TMEM132D: variants seen among roughly 807,000 people sequenced by gnomAD.
TMEM132D encodes transmembrane protein 132D, also known as mature OL transmembrane protein.
TMEM132D carries 21 observed loss-of-function variants against 62.3 expected under a neutral mutation model. That is an observed-to-expected ratio of 0.34 (90% confidence interval 0.24 to 0.49). The LOEUF (loss-of-function observed/expected upper bound fraction) is 0.49. Among genes scored for constraint, TMEM132D ranks in the 20% least tolerant of loss-of-function variants. The pLI is 0.99. For missense variants in TMEM132D, 1,346 were observed against 1,402.8 expected, an observed-to-expected ratio of 0.96 and a Z score of 0.65; for synonymous variants, 621 against 575.6, an observed-to-expected ratio of 1.08 and a Z score of -1.13.
At chr12:129,340,452 C>T (rs1869434250) in intron 3 of TMEM132D, among the ~76,000 whole-genome samples, 1 of 151,476 alleles carries the variant, frequency 6.6e-6, no homozygotes, top group Non-Finnish European at 1.5e-5. Flanking sequence ...TGCTATCCTT[C>T]CCCCTTCCCC....
At chr12:129,259,782 C>G (rs376376042) in intron 4 of TMEM132D, among the ~76,000 whole-genome samples, 122 of 152,160 alleles carry the variant, frequency 8.0e-4, no homozygotes, top group African/African-American at 2.7e-3. Flanking sequence ...TGAAAAGTCA[C>G]ATTATTTAGG....
intron 5 of TMEM132D, among the ~76,000 whole-genome samples, chr12:129,173,420 G>T (rs768220584): frequency 6.6e-6 from 1 of 152,124 alleles, no homozygotes; most frequent in African/African-American, 2.4e-5. Flanking sequence ...CTAATGATAG[G>T]TTATTTCTCA....
chr12:129,104,457 T>A (rs1225503980), intron 5 of TMEM132D, among the ~76,000 whole-genome samples: 1 of 152,188 alleles, frequency 6.6e-6, no homozygotes, highest in East Asian at 1.9e-4. Flanking sequence ...AAGCCTAGGC[T>A]TTACCATTCA....
At chr12:129,238,996 G>GTTTT (rs1555240386) in intron 4 of TMEM132D, among the ~76,000 whole-genome samples, 4,577 of 132,946 alleles carry the variant, frequency 0.034, 314 homozygotes, top group African/African-American at 0.12. Context: ...GTTATTTTCT[G>GTTTT]TTTTTTTTTT....
At chr12:129,131,512 C>G (rs1388855035) in intron 5 of TMEM132D, among the ~76,000 whole-genome samples, 1 of 152,130 alleles carries the variant, frequency 6.6e-6, no homozygotes, top group Non-Finnish European at 1.5e-5. Context: ...GAGGCTGAGG[C>G]AGGAGAATCG....
At chr12:129,836,650 G>A (rs559780306) in intron 1 of TMEM132D, among the ~76,000 whole-genome samples, 186 of 152,008 alleles carry the variant, frequency 1.2e-3, no homozygotes, top group Non-Finnish European at 2.4e-3. Flanking sequence ...ACAACATAAT[G>A]GCACTACCTT....
intron 3 of TMEM132D, among the ~76,000 whole-genome samples, chr12:129,354,133 C>A (rs573735355): frequency 6.6e-6 from 1 of 152,030 alleles, no homozygotes; most frequent in African/African-American, 2.4e-5. Context: ...CAGACAAGGA[C>A]CCTGTCCTTC....
chr12:129,187,406 C>G (rs1279728747), intron 5 of TMEM132D, among the ~76,000 whole-genome samples: 1 of 152,104 alleles, frequency 6.6e-6, no homozygotes, highest in Non-Finnish European at 1.5e-5. Context: ...CAGCCAAGAA[C>G]TTGGAGATAA....
intron 2 of TMEM132D, among the ~76,000 whole-genome samples, chr12:129,614,104 C>A (rs1443527714): frequency 6.6e-6 from 1 of 151,606 alleles, no homozygotes; most frequent in Non-Finnish European, 1.5e-5. Flanking sequence ...GTCTCCATAA[C>A]CTAGGCGACT....
intron 2 of TMEM132D, among the ~76,000 whole-genome samples, chr12:129,539,096 T>C (rs991442794): frequency 5.9e-5 from 9 of 152,140 alleles, no homozygotes; most frequent in African/African-American, 1.9e-4. Flanking sequence ...AGGGGGCAGG[T>C]GTCTCATGCA....
chr12:129,769,687 A>G (rs924857055), intron 1 of TMEM132D, among the ~76,000 whole-genome samples: 2 of 152,306 alleles, frequency 1.3e-5, no homozygotes, highest in Middle Eastern at 3.4e-3. Flanking sequence ...AAGTTAGCCA[A>G]TCCTTGGAAG....
chr12:129,530,990 G>GAA (rs71082733), intron 3 of TMEM132D, 69 bp downstream of exon 3: 117,297 of 1,252,748 alleles, frequency 0.094, 1,342 homozygotes, highest in Admixed American at 0.13. Flanking sequence ...AGCAATCTAG[G>GAA]AAAAAAAAAA....
At chr12:129,254,642 G>A (rs1488115298) in intron 4 of TMEM132D, among the ~76,000 whole-genome samples, 1 of 152,148 alleles carries the variant, frequency 6.6e-6, no homozygotes, top group African/African-American at 2.4e-5. Context: ...GAATGTTAGG[G>A]GGATTTGCTT....
chr12:129,609,683 A>C (rs1221244214), intron 2 of TMEM132D, among the ~76,000 whole-genome samples: 1 of 152,168 alleles, frequency 6.6e-6, no homozygotes, highest in Non-Finnish European at 1.5e-5. Flanking sequence ...GACAAGGGCC[A>C]GTGTCTCCTC....
At chr12:129,207,465 T>C (rs76703164) in intron 5 of TMEM132D, among the ~76,000 whole-genome samples, 2,670 of 152,272 alleles carry the variant, frequency 0.018, 148 homozygotes, top group East Asian at 0.15. Context: ...GGGAAGGCAG[T>C]GCTGTGGGTG....
At position 129,843,832 on chromosome 12, in the gene TMEM132D, T is replaced by A. The variant is rs139272466; in HGVS notation, c.79+59429A>T. ...GGCCAGGCATGATGGCTCATGCTTA[T>A]AATTCCAGCACCTTGAGAGGCCGAG... On this transcript the variant is annotated intron_variant, in intron 1 of 8. Coordinates refer to ENST00000422113, the MANE Select transcript of TMEM132D (RefSeq NM_133448.3). Among the ~76,000 whole-genome samples, 449 of 152,318 alleles carry A rather than the reference T, an allele frequency of 2.9e-3. 1 individual carries two copies. The highest frequency in any genetic ancestry group is 0.01 in the African/African-American group (432 of 41,572).
rs571590868 is a variant in TMEM132D at position 129,846,462 on chromosome 12, T to C, written c.79+56799A>G. Among the ~76,000 whole-genome samples, 43 of 152,314 alleles carry C rather than the reference T, an allele frequency of 2.8e-4. 1 individual carries two copies. The highest frequency in any genetic ancestry group is 1.7e-3 in the Admixed American group (26 of 15,302). Reference sequence around the variant, plus strand: ...TCTTCATCTTAAACACATCACTCCATTGTCTTCTGAATGTCATTATTTCTG... The same window carrying C: ...TCTTCATCTTAAACACATCACTCCACTGTCTTCTGAATGTCATTATTTCTG... On this transcript the variant is annotated intron_variant, in intron 1 of 8. Transcript: ENST00000422113.
chr12:129,398,834 TC>T (rs1871509016), intron 3 of TMEM132D, among the ~76,000 whole-genome samples: 3 of 71,266 alleles, frequency 4.2e-5, no homozygotes, highest in African/African-American at 1.1e-4. Flanking sequence ...ATTTATGTAT[TC>T]ATCCATCCAT....
chr12:129,093,494 T>C (rs1270156195), intron 5 of TMEM132D, among the ~76,000 whole-genome samples: 1 of 152,084 alleles, frequency 6.6e-6, no homozygotes, highest in Non-Finnish European at 1.5e-5. Flanking sequence ...GAAGGATCTC[T>C]TCAAGGAGAA....
Sources: gnomAD v4.1 joint callset for allele counts (sites outside exome capture counted in the v4.1 genomes callset) on GRCh38, gnomAD v4.1.1 for gene constraint, MANE v1.5 for transcripts, NCBI Gene and HGNC (gene_info 2026-07-23, HGNC 2026-07-21) for gene names.